Variants in RAD51C observed in about 807,000 individuals in gnomAD.
The protein encoded by RAD51C is DNA repair protein RAD51 homolog 3.
Under a neutral mutation model 45.0 loss-of-function variants are expected in RAD51C, and 42 were observed. That is an observed-to-expected ratio of 0.93 (90% CI 0.73 to 1.21). The LOEUF is 1.21. Ranked by LOEUF, RAD51C falls within the 50% of genes most tolerant of loss-of-function variation. The pLI is 0.00. For missense variants in RAD51C, 474 were observed against 452.2 expected (o/e 1.05, Z -0.44); for synonymous variants, 172 against 159.8 (o/e 1.08, Z -0.58).
chr17:58,704,426 CA>C (rs560000322), intron 4 of RAD51C, among the ~76,000 whole-genome samples: 2 of 151,860 alleles, frequency 1.3e-5, no homozygotes, highest in Non-Finnish European at 2.9e-5. Flanking sequence ...GCATGCGCCA[CA>C]ACGCCTGGCT....
chr17:58,730,321 C>T (rs1003253488), intron 7 of RAD51C, among the ~76,000 whole-genome samples: 7 of 151,154 alleles, frequency 4.6e-5, no homozygotes, highest in African/African-American at 1.5e-4. Flanking sequence ...CGTGCCACCA[C>T]GCCCAGCTAA....
intron 8 of RAD51C, 50 bp downstream of exon 8, chr17:58,732,594 T>G (rs755610931): frequency 2.0e-6 from 3 of 1,536,046 alleles, no homozygotes; most frequent in Non-Finnish European, 2.7e-6. Flanking sequence ...GGGCGGTAAT[T>G]ATCTAAAGAG....
chr17:58,702,186 G>A (rs1170703583), intron 3 of RAD51C, among the ~76,000 whole-genome samples: 1 of 151,048 alleles, frequency 6.6e-6, no homozygotes, highest in Non-Finnish European at 1.5e-5. Flanking sequence ...TGCAGAGATG[G>A]GGTTTTCCAT....
chr17:58,720,422 AAAAAT>A (rs964054714), intron 5 of RAD51C, among the ~76,000 whole-genome samples: 8 of 146,670 alleles, frequency 5.5e-5, no homozygotes, highest in Middle Eastern at 3.5e-3. Context: ...TCTCAAAAAA[AAAAAT>A]AAAATAAAAA....
At chr17:58,702,168 G>A (rs2048233432) in intron 3 of RAD51C, among the ~76,000 whole-genome samples, 1 of 151,362 alleles carries the variant, frequency 6.6e-6, no homozygotes, top group Non-Finnish European at 1.5e-5. Flanking sequence ...ACTAATTTCT[G>A]TATTTTTTGC....
chr17:58,726,048 TATAG>T (rs973410932), intron 7 of RAD51C, among the ~76,000 whole-genome samples: 3 of 150,562 alleles, frequency 2.0e-5, no homozygotes, highest in Non-Finnish European at 3.0e-5. Flanking sequence ...CAACACTGAA[TATAG>T]ATAGATTGGG....
chr17:58,712,883 G>A (rs2048608280), intron 5 of RAD51C, among the ~76,000 whole-genome samples: 2 of 152,012 alleles, frequency 1.3e-5, no homozygotes, highest in African/African-American at 4.8e-5. Context: ...AGCACTTTGG[G>A]AGGCCAAGGT....
Position 58,703,293 on chromosome 17 carries a change from T to G in RAD51C, c.669T>G (p.Val223=). The G allele has an allele frequency of 6.2e-7, 1 of 1,611,622 alleles. No homozygotes were observed. The highest frequency in any genetic ancestry group is 8.5e-7 in the Non-Finnish European group (1 of 1,178,032). ...CRDYTELLAQ[V]YLLPDFLSEH... is the part of the protein sequence containing the mutation. ...ACTACACAGAGTTACTGGCACAAGTTTATCTTCTTCCAGATTTCCTTTCAG... is the reference window on the plus strand; with the variant it reads ...ACTACACAGAGTTACTGGCACAAGTGTATCTTCTTCCAGATTTCCTTTCAG... Residue 223 remains valine, a synonymous_variant, in exon 4 of 9, where the codon GTT becomes GTG. Coordinates refer to ENST00000337432, the MANE Select transcript of RAD51C (RefSeq NM_058216.3).
At chr17:58,698,876 C>G (rs933957057) in intron 3 of RAD51C, among the ~76,000 whole-genome samples, 8 of 147,578 alleles carry the variant, frequency 5.4e-5, no homozygotes, top group African/African-American at 2.0e-4. Context: ...GAGCCGAGAT[C>G]GTGCCACTGC....
intron 8 of RAD51C, 89 bp downstream of exon 8, chr17:58,732,633 C>T (rs1334288262): frequency 9.6e-6 from 12 of 1,249,852 alleles, no homozygotes; most frequent in South Asian, 1.2e-5. Flanking sequence ...CTGTCAACTT[C>T]TGTAGGCAGC....
intron 7 of RAD51C, among the ~76,000 whole-genome samples, chr17:58,726,754 G>A (rs1260064192): frequency 6.6e-6 from 1 of 151,994 alleles, no homozygotes; most frequent in Non-Finnish European, 1.5e-5. Context: ...ATGAGATCAG[G>A]CACATTCAGG....
intron 7 of RAD51C, among the ~76,000 whole-genome samples, chr17:58,725,673 C>G (rs2049093555): frequency 6.6e-6 from 1 of 152,068 alleles, no homozygotes; most frequent in Non-Finnish European, 1.5e-5. Flanking sequence ...AATTCACCTT[C>G]TTACAAATCC....
intron 2 of RAD51C, 73 bp from the exon 3 acceptor site, chr17:58,696,620 A>G (rs1402973376): frequency 3.8e-6 from 6 of 1,585,082 alleles, no homozygotes; most frequent in Non-Finnish European, 5.2e-6. Context: ...CTAACTTGTC[A>G]TTATCTGGAG....
At position 58,710,086 on chromosome 17, in the gene RAD51C, T is replaced by C. The variant is rs2048505554; in HGVS notation, c.837+96T>C. 2.9e-6 allele frequency: 4 copies of C among 1,383,484 alleles called. No individual in the cohort carries two copies. The East Asian group carries it at 9.3e-5, about 32-fold the overall frequency. The allele number at this position is 1,383,484 out of a possible 1,614,324, so 85.7% of individuals were successfully genotyped here. A position where few individuals can be genotyped will look rare whatever the true frequency, so the allele number is the denominator to read the frequency against. ...GTCAAAATAGCGTTTGCCTGACAAA[T>C]AATATAGACATGCAGTTTTGAGTAA... On this transcript the variant is annotated intron_variant, in intron 5 of 8. Transcript: ENST00000337432.
intron 1 of RAD51C, chr17:58,693,116 T>C (rs1264750882): frequency 9.4e-6 from 3 of 320,722 alleles, no homozygotes; most frequent in Non-Finnish European, 1.8e-5. Context: ...TTGGGGAGCT[T>C]AGGTAACTTT....
chr17:58,695,422 G>T (rs1349141604), intron 2 of RAD51C: 7 of 1,163,434 alleles, frequency 6.0e-6, no homozygotes, highest in Admixed American at 3.6e-5. Context: ...TTGTACTGCA[G>T]TCATAAGGTT....
chr17:58,694,898 A>G, intron 1 of RAD51C, 33 bp from the exon 2 acceptor site: 1 of 1,549,116 alleles, frequency 6.5e-7, no homozygotes, highest in South Asian at 1.1e-5. Context: ...AATCTCTAAA[A>G]TTAGGGTTCT....
At chr17:58,711,880 A>T (rs977396860) in intron 5 of RAD51C, among the ~76,000 whole-genome samples, 1 of 151,888 alleles carries the variant, frequency 6.6e-6, no homozygotes, top group African/African-American at 2.4e-5. Context: ...CATATATATA[A>T]CATGTATGGC....
At chr17:58,716,566 C>T (rs752595795) in intron 5 of RAD51C, among the ~76,000 whole-genome samples, 4 of 145,176 alleles carry the variant, frequency 2.8e-5, no homozygotes, top group Non-Finnish European at 6.0e-5. Flanking sequence ...GGGTTCACGC[C>T]ATTCTCCTCC....
Sources: allele counts gnomAD v4.1 joint callset (sites outside exome capture counted in the v4.1 genomes callset), GRCh38; gene constraint gnomAD v4.1.1; transcripts MANE v1.5; gene names NCBI Gene and HGNC (gene_info 2026-07-23, HGNC 2026-07-21).